Variants in ATIC observed in about 807,000 individuals in gnomAD.
ATIC encodes bifunctional purine biosynthesis protein ATIC.
In ATIC, 64 loss-of-function variants were observed where a neutral mutation model predicts 72.5. That is an observed-to-expected ratio of 0.88 (90% CI 0.72 to 1.09). ATIC has a LOEUF of 1.09. ATIC is among the 50% of genes least tolerant of loss of function. The pLI is 0.00. For synonymous variants in ATIC, 281 were observed against 267.1 expected (o/e 1.05, Z -0.51); for missense variants, 787 against 732.4 (o/e 1.07, Z -0.86).
chr2:215,338,212 T>C (rs538015921), intron 11 of ATIC, among the ~76,000 whole-genome samples: 2 of 152,268 alleles, frequency 1.3e-5, no homozygotes, highest in African/African-American at 2.4e-5. Flanking sequence ...GGCTCAAAAT[T>C]TGGGAGAGGA....
chr2:215,335,082 C>A, intron 10 of ATIC, 78 bp downstream of exon 10: 2 of 850,038 alleles, frequency 2.4e-6, no homozygotes, highest in Non-Finnish European at 3.5e-6. Flanking sequence ...GAAACCATAA[C>A]CTATAATATT....
At chr2:215,319,784 A>T in intron 4 of ATIC, 53 bp downstream of exon 4, 1 of 1,386,534 alleles carries the variant, frequency 7.2e-7, no homozygotes, top group South Asian at 1.2e-5. Flanking sequence ...GACAAAGACT[A>T]TGCCAAACCT....
intron 12 of ATIC, among the ~76,000 whole-genome samples, chr2:215,344,167 T>G (rs2053048119): frequency 6.6e-6 from 1 of 152,224 alleles, no homozygotes; most frequent in Non-Finnish European, 1.5e-5. Context: ...TTGTCAGTTT[T>G]GGAATGGATA....
the ATIC span, among the ~76,000 whole-genome samples, chr2:215,356,376 T>G: frequency 1.3e-5 from 2 of 152,252 alleles, no homozygotes; most frequent in Admixed American, 1.3e-4. Context: ...AGCCTTCATC[T>G]ACTCTTACCC....
chr2:215,332,314 G>T, intron 7 of ATIC, 68 bp from the exon 8 acceptor site: 2 of 1,595,144 alleles, frequency 1.3e-6, no homozygotes, highest in South Asian at 2.2e-5. Context: ...TTATTTTTTT[G>T]AGAAGTGTGC....
chr2:215,335,139 C>G (rs896913649), intron 10 of ATIC, 135 bp downstream of exon 10: 3 of 463,180 alleles, frequency 6.5e-6, no homozygotes, highest in African/African-American at 6.2e-5. Context: ...ATTTAATGTT[C>G]ATATTTTAAA....
intron 7 of ATIC, among the ~76,000 whole-genome samples, chr2:215,330,260 C>G (rs2052876524): frequency 6.6e-6 from 1 of 152,162 alleles, no homozygotes; most frequent in African/African-American, 2.4e-5. Context: ...TTGTTTTCTT[C>G]TGTGCCTCTC....
chr2:215,349,946 G>A (rs374666959), downstream of ATIC, among the ~76,000 whole-genome samples: 1 of 152,158 alleles, frequency 6.6e-6, no homozygotes, highest in Non-Finnish European at 1.5e-5. Context: ...TGAGCAGCCA[G>A]AGGACATGGC....
At chr2:215,355,586 G>A in the ATIC span, among the ~76,000 whole-genome samples, 59 of 152,222 alleles carry the variant, frequency 3.9e-4, 2 homozygotes, top group East Asian at 0.01. Context: ...CTTTAAGCTC[G>A]CAGTGCTTTC....
At chr2:215,353,281 G>A (rs776422418), downstream of ATIC, among the ~76,000 whole-genome samples, 4 of 152,000 alleles carry the variant, frequency 2.6e-5, no homozygotes, top group Non-Finnish European at 5.9e-5. Flanking sequence ...TTGAATGTAC[G>A]GTTGTATTTC....
intron 4 of ATIC, among the ~76,000 whole-genome samples, chr2:215,324,052 T>A (rs775207294): frequency 9.9e-5 from 15 of 151,960 alleles, no homozygotes; most frequent in Non-Finnish European, 7.4e-5. Flanking sequence ...GTGCGCCACC[T>A]TGCCCGGCTA....
the ATIC span, chr2:215,364,855 G>C: frequency 6.7e-7 from 1 of 1,484,192 alleles, no homozygotes; most frequent in Non-Finnish European, 9.2e-7. Flanking sequence ...TAACTTGTAG[G>C]GAGCCTGGCA....
At chr2:215,352,237 AAG>A (rs2053135859), downstream of ATIC, among the ~76,000 whole-genome samples, 1 of 152,318 alleles carries the variant, frequency 6.6e-6, no homozygotes, top group African/African-American at 2.4e-5. Flanking sequence ...ATACTAATAA[AAG>A]GGGAAATTAG....
rs987913348 is a variant in ATIC, at chr2:215,312,060, C to T, written c.-83C>T. 1.5e-5 allele frequency: 23 copies of T among 1,518,658 alleles called. No homozygotes were observed. Among genetic ancestry groups the T allele is most frequent in the Non-Finnish European group, 1.9e-5 (22 of 1,134,834 alleles). 94.1% of individuals were successfully genotyped at this position (1,518,658 alleles called of 1,614,324 possible). A position where few individuals can be genotyped will look rare whatever the true frequency, so the allele number is the denominator to read the frequency against. On this transcript the variant is annotated 5_prime_UTR_variant, in exon 1 of 16. Coordinates refer to ENST00000236959, the MANE Select transcript of ATIC (RefSeq NM_004044.7). Reference sequence around the variant, plus strand: ...CTCCGCCCCCTCGCTTCCTGAGCCGCCACATCCCGGCAGCCCTCCTACCTG... The same window carrying T: ...CTCCGCCCCCTCGCTTCCTGAGCCGTCACATCCCGGCAGCCCTCCTACCTG...
chr2:215,319,691 G>T lies in ATIC; in HGVS notation c.250G>T (p.Asp84Tyr). ...AGILARNIPE[D>Y]NADMARLDFN... ...AATCCTAGCTCGTAATATTCCAGAA[G>T]ATAATGCTGACATGGCCAGACTTGA... The change falls in exon 4 of 16, where the codon GAT becomes TAT. Residue 84 changes from aspartate (D) to tyrosine (Y), a missense_variant. Transcript: ENST00000236959. The T allele has an allele frequency of 1.2e-6, 2 of 1,612,272 alleles. No homozygotes were observed. The highest frequency in any genetic ancestry group is 1.7e-6 in the Non-Finnish European group (2 of 1,178,404).
the ATIC span, among the ~76,000 whole-genome samples, chr2:215,358,176 T>C: frequency 6.6e-6 from 1 of 152,094 alleles, no homozygotes; most frequent in Non-Finnish European, 1.5e-5. Context: ...ATTTGCATAA[T>C]TCACTTAGAT....
At chr2:215,333,580 A>AGTCC in intron 9 of ATIC, 123 bp downstream of exon 9, 1 of 640,958 alleles carries the variant, frequency 1.6e-6, no homozygotes, top group Non-Finnish European at 2.6e-6. Context: ...TATAGATGAA[A>AGTCC]TTAAGGACTT....
chr2:215,333,797 CT>C (rs1432538109), intron 9 of ATIC, among the ~76,000 whole-genome samples: 1 of 152,036 alleles, frequency 6.6e-6, no homozygotes, highest in Non-Finnish European at 1.5e-5. Flanking sequence ...AGTACCAGGA[CT>C]TTGGGAGGCT....
chr2:215,343,803 A>G (rs1303107078), intron 12 of ATIC, among the ~76,000 whole-genome samples: 1 of 152,322 alleles, frequency 6.6e-6, no homozygotes, highest in Non-Finnish European at 1.5e-5. Flanking sequence ...AAATTTATCA[A>G]CTTATCTGTT....
Sources: gnomAD v4.1 joint callset for allele counts (sites outside exome capture counted in the v4.1 genomes callset) on GRCh38, gnomAD v4.1.1 for gene constraint, MANE v1.5 for transcripts, NCBI Gene and HGNC (gene_info 2026-07-23, HGNC 2026-07-21) for gene names.